ARG2: variants seen among roughly 807,000 people sequenced by gnomAD.
ARG2 encodes arginase-2, mitochondrial.
Under a neutral mutation model 39.4 loss-of-function variants are expected in ARG2, and 21 were observed. The ratio of observed to expected loss-of-function variants is 0.53; its 90% CI spans 0.38 to 0.77. The LOEUF is 0.77. ARG2 is among the 30% of genes least tolerant of loss of function. ARG2 has a pLI of 0.00. For synonymous variants in ARG2, 150 were observed against 156.7 expected, an observed-to-expected ratio of 0.96 and a Z score of 0.32; for missense variants, 378 against 426.2, an observed-to-expected ratio of 0.89 and a Z score of 1.00.
intron 1 of ARG2, among the ~76,000 whole-genome samples, chr14:67,620,594 T>C (rs2036799236): frequency 6.6e-6 from 1 of 152,148 alleles, no homozygotes; most frequent in African/African-American, 2.4e-5. Flanking sequence ...TTTTGTTCTC[T>C]TCAATGAAGG....
intron 2 of ARG2, among the ~76,000 whole-genome samples, chr14:67,641,660 G>C (rs1057332774): frequency 1.1e-4 from 16 of 152,096 alleles, no homozygotes; most frequent in Non-Finnish European, 1.5e-5. Flanking sequence ...GAATTTCTTG[G>C]CCAGGCAGGT....
At chr14:67,633,715 T>C (rs1375959553) in intron 2 of ARG2, among the ~76,000 whole-genome samples, 2 of 152,252 alleles carry the variant, frequency 1.3e-5, no homozygotes, top group Admixed American at 6.5e-5. Context: ...ATTTAGGACC[T>C]GGGCCTTGCC....
chr14:67,627,467 G>A (rs1219317816), intron 2 of ARG2, among the ~76,000 whole-genome samples: 1 of 151,984 alleles, frequency 6.6e-6, no homozygotes, highest in Non-Finnish European at 1.5e-5. Flanking sequence ...CTAGTTTTGG[G>A]CATTGAAAAG....
intron 2 of ARG2, 124 bp from the exon 3 acceptor site, chr14:67,642,062 A>C: frequency 1.0e-6 from 1 of 981,906 alleles, no homozygotes; most frequent in African/African-American, 1.6e-5. Context: ...TTGACATTTT[A>C]AATTTTACTG....
At chr14:67,634,866 G>A (rs976778796) in intron 2 of ARG2, among the ~76,000 whole-genome samples, 7 of 152,172 alleles carry the variant, frequency 4.6e-5, no homozygotes, top group Non-Finnish European at 7.3e-5. Flanking sequence ...ACCAAACCTT[G>A]GAGGAAGGAG....
At chr14:67,642,035 A>C in intron 2 of ARG2, 151 bp from the exon 3 acceptor site, 1 of 778,834 alleles carries the variant, frequency 1.3e-6, no homozygotes, top group Non-Finnish European at 2.0e-6. Context: ...GGATCGAGAT[A>C]ATCTTCCCAC....
chr14:67,645,581 C>T, intron 3 of ARG2, 62 bp from the exon 4 acceptor site: 6 of 1,557,550 alleles, frequency 3.9e-6, no homozygotes, highest in African/African-American at 1.4e-5. Flanking sequence ...TGGCTGAGGA[C>T]GTTTGTTATC....
At position 67,648,115 on chromosome 14, in the gene ARG2, GA is replaced by G; in HGVS notation, c.793del (p.Thr265LeufsTer7). On this transcript the variant is annotated frameshift_variant, in exon 7 of 8. Coordinates refer to ENST00000261783, the MANE Select transcript of ARG2 (RefSeq NM_001172.4). LOFTEE classifies it high-confidence loss of function. ...GACCCTACACTGGCTCCAGCCACAG[GA>G]ACTCCTGTTGTCGGGGGACTAACCT... Reference protein sequence around the residue: ...AFDPTLAPATGTPVVGGLTYR... With the variant: ...AFDPTLAPATXTPVVGGLTYR... 2 of 1,614,010 alleles carry G rather than the reference GA, an allele frequency of 1.2e-6. No individual in the cohort carries two copies. The highest frequency in any genetic ancestry group is 1.7e-6 in the Non-Finnish European group (2 of 1,179,918).
chr14:67,647,174 C>T, intron 6 of ARG2, 149 bp downstream of exon 6: 2 of 564,498 alleles, frequency 3.5e-6, no homozygotes, highest in Admixed American at 3.2e-5. Flanking sequence ...ATTTGAAACA[C>T]AGGTCATATT....
At position 67,651,448 on chromosome 14, in the gene ARG2, G is replaced by A; in HGVS notation, c.*528G>A. 1 of 1,613,958 alleles carries A rather than the reference G, an allele frequency of 6.2e-7. No individual in the cohort carries two copies. The highest frequency in any genetic ancestry group is 8.5e-7 in the Non-Finnish European group (1 of 1,179,834). On this transcript the variant is annotated 3_prime_UTR_variant, in exon 8 of 8. Coordinates refer to ENST00000261783, the MANE Select transcript of ARG2 (RefSeq NM_001172.4). ...CCAGGATGGCGAGCTCCAGTAAGAT[G>A]ATAATGGAAAGCAGCAGCTTGTTGG...
At position 67,650,695 on chromosome 14, in the gene ARG2, G is replaced by A. The variant is rs761391054; in HGVS notation, c.860-20G>A. On this transcript the variant is annotated intron_variant, in intron 7 of 7. Coordinates refer to ENST00000261783, the MANE Select transcript of ARG2 (RefSeq NM_001172.4). ...TAGCAGCAAGGGAACCTGAGGTTTT[G>A]TCACACTTTGTTCTTCCAGGGTTGC... is the stretch of plus-strand genomic sequence containing the variant. 1.8e-4 allele frequency: 293 copies of A among 1,612,010 alleles called. No individual in the cohort carries two copies. Among genetic ancestry groups the A allele is most frequent in the Non-Finnish European group, 2.0e-4 (237 of 1,179,228 alleles).
chr14:67,629,428 G>A (rs1437531681), intron 2 of ARG2, among the ~76,000 whole-genome samples: 1 of 152,212 alleles, frequency 6.6e-6, no homozygotes, highest in African/African-American at 2.4e-5. Context: ...ATAAGCCAGT[G>A]ACAAAAGGAC....
intron 2 of ARG2, among the ~76,000 whole-genome samples, chr14:67,628,796 G>A (rs2036891900): frequency 6.6e-6 from 1 of 152,210 alleles, no homozygotes; most frequent in Non-Finnish European, 1.5e-5. Context: ...ATAAAATGGA[G>A]CTGCTATGGA....
intron 2 of ARG2, 34 bp downstream of exon 2, chr14:67,621,000 A>G (rs1429998101): frequency 6.3e-7 from 1 of 1,595,340 alleles, no homozygotes; most frequent in Admixed American, 1.7e-5. Flanking sequence ...TTAGTGCAGG[A>G]CTAGTAATAG....
At chr14:67,641,650 G>A (rs915417110) in intron 2 of ARG2, among the ~76,000 whole-genome samples, 1 of 152,146 alleles carries the variant, frequency 6.6e-6, no homozygotes, top group African/African-American at 2.4e-5. Context: ...TATAATATGT[G>A]AATTTCTTGG....
intron 2 of ARG2, among the ~76,000 whole-genome samples, chr14:67,632,808 A>ATTTTTTTTTT: frequency 1.6e-5 from 1 of 62,358 alleles, no homozygotes; most frequent in Non-Finnish European, 2.8e-5. Flanking sequence ...AAGCCTCTTA[A>ATTTTTTTTTT]TTTTTTTTTT....
chr14:67,629,061 G>A (rs892715963), intron 2 of ARG2, among the ~76,000 whole-genome samples: 2 of 152,092 alleles, frequency 1.3e-5, no homozygotes, highest in Admixed American at 6.6e-5. Flanking sequence ...GGGCTGGGTG[G>A]GGTGGCTCAT....
intron 7 of ARG2, chr14:67,649,463 G>A (rs775526901): frequency 6.6e-5 from 10 of 152,092 alleles, no homozygotes; most frequent in Non-Finnish European, 1.5e-4. Flanking sequence ...GATACATAAA[G>A]CAGTTTGCTT....
At chr14:67,640,648 C>T (rs1403899261) in intron 2 of ARG2, among the ~76,000 whole-genome samples, 4 of 152,160 alleles carry the variant, frequency 2.6e-5, no homozygotes, top group African/African-American at 9.7e-5. Context: ...CTTGTTACTG[C>T]CCCTTTCCCA....
Sources: allele counts gnomAD v4.1 joint callset (sites outside exome capture counted in the v4.1 genomes callset), GRCh38; gene constraint gnomAD v4.1.1; transcripts MANE v1.5; gene names NCBI Gene and HGNC (gene_info 2026-07-23, HGNC 2026-07-21).